CNTN6: variants seen among roughly 807,000 people sequenced by gnomAD.
The protein encoded by CNTN6 is contactin-6.
Under a neutral mutation model 122.8 loss-of-function variants are expected in CNTN6, and 137 were observed. The ratio of observed to expected loss-of-function variants is 1.12; its 90% CI spans 0.97 to 1.29. The LOEUF (loss-of-function observed/expected upper bound fraction) is 1.29. CNTN6 is among the 50% of genes most tolerant of loss of function. The pLI, the probability that CNTN6 is intolerant of heterozygous loss-of-function variation, is 0.00. For missense variants in CNTN6, 1,634 were observed against 1,223.4 expected, an observed-to-expected ratio of 1.34 and a Z score of -5.01; for synonymous variants, 570 against 426.0, an observed-to-expected ratio of 1.34 and a Z score of -4.16.
rs1692782170 is a variant in CNTN6, at chr3:1,385,708, A to C, written c.2615A>C (p.Asn872Thr). 6.2e-7 allele frequency: 1 copy of C among 1,614,038 alleles called. No individual in the cohort carries two copies. Among genetic ancestry groups the C allele is most frequent in the Non-Finnish European group, 8.5e-7 (1 of 1,179,982 alleles). ...AAAAACATCACGGGGCTGAAAGCTA[A>C]TACCATCTACTTTGCTTCCGTAAGA... ...TTKNITGLKA[N>T]TIYFASVRAY... Residue 872 changes from asparagine to threonine, a missense_variant, in exon 20 of 23, where the codon AAT becomes ACT. By Grantham distance (65) the Asn-to-Thr change is moderately conservative. Coordinates refer to ENST00000446702, the MANE Select transcript of CNTN6 (RefSeq NM_001289080.2).
In CNTN6 at chr3:1,385,961, A is replaced by ACAAT. The variant is rs368078854; in HGVS notation, c.2704+168_2704+171dup. On this transcript the variant is annotated intron_variant, in intron 20 of 22. Transcript: ENST00000446702. ...GGATACTTGTTGAAACCTTTTGGTA[A>ACAAT]CAATCAAGGTAATTGTTTTCATATT... Among the ~76,000 whole-genome samples the ACAAT allele has an allele frequency of 5.3e-4, 81 of 152,314 alleles. 1 individual carries two copies. Among genetic ancestry groups the ACAAT allele is most frequent in the African/African-American group, 1.8e-3 (76 of 41,566 alleles).
At chr3:1,165,857 G>A (rs1207997861) in intron 2 of CNTN6, among the ~76,000 whole-genome samples, 2 of 152,136 alleles carry the variant, frequency 1.3e-5, no homozygotes, top group African/African-American at 4.8e-5. Flanking sequence ...CTGTGCCACT[G>A]CCTTTCTTCG....
chr3:1,306,833 G>T (rs1318341119), intron 7 of CNTN6, among the ~76,000 whole-genome samples: 1 of 152,112 alleles, frequency 6.6e-6, no homozygotes, highest in African/African-American at 2.4e-5. Flanking sequence ...AGTGGTTTCT[G>T]TATTATATTT....
Position 1,145,719 on chromosome 3 carries a change from A to G in CNTN6, c.-82-2208A>G, listed in dbSNP as rs927474496. Among the ~76,000 whole-genome samples, 13 of 152,304 alleles carry G rather than the reference A, an allele frequency of 8.5e-5. No homozygotes were observed. In the East Asian group the frequency reaches 9.6e-4, roughly 11 times the overall value. On this transcript the variant is annotated intron_variant, in intron 1 of 22. Coordinates refer to ENST00000446702, the MANE Select transcript of CNTN6 (RefSeq NM_001289080.2). ...TCTATGCAAATTAAATGACATCTAT[A>G]TAGAGATAATACATAATGCACGTGC...
intron 4 of CNTN6, among the ~76,000 whole-genome samples, chr3:1,233,540 C>G (rs34831820): frequency 1.3e-5 from 2 of 151,350 alleles, no homozygotes; most frequent in African/African-American, 4.9e-5. Flanking sequence ...TTGAGACCAG[C>G]CTGGCCAACA....
At chr3:1,202,262 C>T (rs911409309) in intron 2 of CNTN6, among the ~76,000 whole-genome samples, 2 of 152,226 alleles carry the variant, frequency 1.3e-5, no homozygotes, top group South Asian at 2.1e-4. Flanking sequence ...ATGTTTGGGC[C>T]GGGCGCGGTG....
At chr3:1,122,899 T>C (rs980960119) in intron 1 of CNTN6, among the ~76,000 whole-genome samples, 4 of 151,888 alleles carry the variant, frequency 2.6e-5, no homozygotes, top group Non-Finnish European at 5.9e-5. Flanking sequence ...ACTATAAGCA[T>C]GTGTGTACAG....
intron 4 of CNTN6, among the ~76,000 whole-genome samples, chr3:1,265,853 T>C (rs2094917977): frequency 6.6e-6 from 1 of 152,178 alleles, no homozygotes; most frequent in Non-Finnish European, 1.5e-5. Context: ...AATATCAATG[T>C]ACTGTCTGTA....
chr3:1,325,950 A>T lies in CNTN6; in HGVS notation c.1082A>T (p.Glu361Val). The T allele has an allele frequency of 6.2e-7, 1 of 1,608,694 alleles. No homozygotes were observed. Among genetic ancestry groups the T allele is most frequent in the Non-Finnish European group, 8.5e-7 (1 of 1,177,598 alleles). The change falls in exon 9 of 23, where the codon GAG becomes GTG. Residue 361 changes from glutamate (E) to valine (V), a missense_variant and splice_region_variant. Coordinates refer to ENST00000446702, the MANE Select transcript of CNTN6 (RefSeq NM_001289080.2). ...AAAAATGGTGAACGACTCAACCCAG[A>T]GGTAAGCAACTATGTTGATATTAAA... ...WLKNGERLNPEERIQIENGTL... is the reference protein window; with the variant it reads ...WLKNGERLNPVERIQIENGTL...
intron 4 of CNTN6, among the ~76,000 whole-genome samples, chr3:1,250,534 A>G (rs780913844): frequency 6.6e-6 from 1 of 152,162 alleles, no homozygotes; most frequent in Non-Finnish European, 1.5e-5. Flanking sequence ...TTGCCTTGAC[A>G]TCACCATCTC....
At chr3:1,197,764 G>C (rs1250829507) in intron 2 of CNTN6, among the ~76,000 whole-genome samples, 1 of 151,958 alleles carries the variant, frequency 6.6e-6, no homozygotes, top group Non-Finnish European at 1.5e-5. Context: ...AAAGCCTACA[G>C]GGACATCAAA....
intron 12 of CNTN6, among the ~76,000 whole-genome samples, chr3:1,359,197 T>C (rs1707090105): frequency 6.6e-6 from 1 of 152,122 alleles, no homozygotes; most frequent in Admixed American, 6.6e-5. Flanking sequence ...ATGTAGTCAC[T>C]GCCTATTATG....
intron 1 of CNTN6, among the ~76,000 whole-genome samples, chr3:1,138,229 G>C (rs192173735): frequency 6.6e-6 from 1 of 152,252 alleles, no homozygotes; most frequent in Admixed American, 6.5e-5. Context: ...GCACCTCCCT[G>C]GTTTTGGCCA....
intron 20 of CNTN6, among the ~76,000 whole-genome samples, chr3:1,397,200 G>C (rs1695096004): frequency 1.3e-5 from 2 of 152,038 alleles, no homozygotes; most frequent in Non-Finnish European, 2.9e-5. Context: ...CTCTTTTAGA[G>C]AAGAGGCAAC....
chr3:1,269,319 GC>G (rs1431974833), intron 4 of CNTN6, among the ~76,000 whole-genome samples: 2 of 152,128 alleles, frequency 1.3e-5, no homozygotes, highest in East Asian at 3.9e-4. Flanking sequence ...CCATCACTAA[GC>G]CTTTTAAGGA....
At chr3:1,299,935 A>G (rs1325068540) in intron 7 of CNTN6, among the ~76,000 whole-genome samples, 1 of 152,176 alleles carries the variant, frequency 6.6e-6, no homozygotes, top group African/African-American at 2.4e-5. Flanking sequence ...CATTTATGTA[A>G]TAAATGCTCA....
At chr3:1,374,625 T>C (rs953119377) in intron 16 of CNTN6, among the ~76,000 whole-genome samples, 1 of 152,090 alleles carries the variant, frequency 6.6e-6, no homozygotes, top group Non-Finnish European at 1.5e-5. Flanking sequence ...TCAGATACCA[T>C]GCCTTCTTAA....
In CNTN6 at chr3:1,113,565, C is replaced by A. The variant is rs75230300; in HGVS notation, c.-83+20445C>A. Among the ~76,000 whole-genome samples the A allele has an allele frequency of 7.2e-5, 11 of 152,214 alleles. No homozygotes were observed. The East Asian group carries it at 2.1e-3, about 29-fold the overall frequency. On this transcript the variant is annotated intron_variant, in intron 1 of 22. Transcript: ENST00000446702. Reference sequence around the variant, plus strand: ...GAAGAAAGATAAAGTCATCAAAAGTCTTAAGGATTAAATTAAAAGATAATT... The same window carrying A: ...GAAGAAAGATAAAGTCATCAAAAGTATTAAGGATTAAATTAAAAGATAATT...
intron 20 of CNTN6, among the ~76,000 whole-genome samples, chr3:1,387,020 G>A (rs552423997): frequency 6.6e-6 from 1 of 152,220 alleles, no homozygotes; most frequent in African/African-American, 2.4e-5. Flanking sequence ...TCAACTGTCA[G>A]ATATTCATGT....
Sources: allele counts gnomAD v4.1 joint callset (sites outside exome capture counted in the v4.1 genomes callset), GRCh38; gene constraint gnomAD v4.1.1; transcripts MANE v1.5; gene names NCBI Gene and HGNC (gene_info 2026-07-23, HGNC 2026-07-21).